The following ZNF200 variants were observed in gnomAD, a reference collection of about 807,000 sequenced individuals.
The protein encoded by ZNF200 is zinc finger protein 200.
A neutral mutation model predicts 33.6 loss-of-function variants in ZNF200; 35 were observed. That is an observed-to-expected ratio of 1.04 (90% CI 0.80 to 1.38). The LOEUF (loss-of-function observed/expected upper bound fraction) is 1.38. ZNF200 is among the 40% of genes most tolerant of loss of function. The pLI, the probability that ZNF200 is intolerant of heterozygous loss-of-function variation, is 0.00. For synonymous variants in ZNF200, 209 were observed against 167.7 expected (o/e 1.25, Z -1.90); for missense variants, 592 against 470.6 (o/e 1.26, Z -2.39).
At chr16:3,224,782 G>C in intron 4 of ZNF200, 169 bp from the exon 5 acceptor site, 1 of 765,330 alleles carries the variant, frequency 1.3e-6, no homozygotes, top group Non-Finnish European at 2.0e-6. Flanking sequence ...ATACATAACT[G>C]ATAAATCTTT....
intron 4 of ZNF200, chr16:3,225,613 G>A (rs1405823293): frequency 6.6e-6 from 1 of 152,168 alleles, no homozygotes; most frequent in East Asian, 1.9e-4. Context: ...TTTGGGTGGT[G>A]CTTAGTGTGT....
At chr16:3,233,414 T>A (rs1026805178) in intron 2 of ZNF200, 92 bp downstream of exon 2, 1 of 1,461,392 alleles carries the variant, frequency 6.8e-7, no homozygotes, top group East Asian at 2.4e-5. Context: ...ATATACACCA[T>A]CCTAACTTGA....
At chr16:3,233,364 G>T in intron 2 of ZNF200, 142 bp downstream of exon 2, 1 of 1,200,694 alleles carries the variant, frequency 8.3e-7, no homozygotes, top group Non-Finnish European at 1.1e-6. Flanking sequence ...CACTTGAGAA[G>T]AACTTCCTCT....
intron 4 of ZNF200, chr16:3,227,926 G>C (rs923929343): frequency 8.6e-5 from 13 of 151,794 alleles, no homozygotes; most frequent in Non-Finnish European, 1.8e-4. Context: ...TCACAGTCTT[G>C]TTCCAAGGGA....
rs775956362 is a variant in ZNF200 at position 3,232,550 on chromosome 16, G to A, written c.340-3C>T. 2.3e-5 allele frequency: 37 copies of A among 1,613,250 alleles called. No individual in the cohort carries two copies. In the South Asian group the frequency reaches 3.8e-4, roughly 17 times the overall value. On this transcript the variant is annotated splice_polypyrimidine_tract_variant and splice_region_variant and intron_variant, in intron 3 of 4. Transcript: ENST00000414144. ...AAATCCTCAAAGACCACCAGCTCCT[G>A]AAAGAGCAAGAGGCCCCTTTCATCT...
chr16:3,224,185 C>T lies in ZNF200; in HGVS notation c.895G>A (p.Glu299Lys). Reference protein sequence around the residue: ...FNHKTNLNKHERIHTGEKPYS... With the variant: ...FNHKTNLNKHKRIHTGEKPYS... ...GGTTTCTCTCCTGTATGAATTCGCT[C>T]ATGTTTATTGAGGTTTGTTTTATGA... Residue 299 changes from glutamate (E) to lysine (K), a missense_variant, in exon 5 of 5, where the codon GAG becomes AAG. Glu to Lys is a moderately conservative substitution (Grantham distance 56, BLOSUM62 1). Coordinates refer to ENST00000414144, the MANE Select transcript of ZNF200 (RefSeq NM_198088.3). 2 of 1,614,108 alleles carry T rather than the reference C, an allele frequency of 1.2e-6. No homozygotes were observed. Among genetic ancestry groups the T allele is most frequent in the Non-Finnish European group, 1.7e-6 (2 of 1,180,040 alleles).
At chr16:3,225,522 T>C (rs2141617897) in intron 4 of ZNF200, 1 of 152,306 alleles carries the variant, frequency 6.6e-6, no homozygotes, top group East Asian at 1.9e-4. Flanking sequence ...AAGTCAGTAG[T>C]GTTTCTCTTT....
At chr16:3,224,702 C>T in intron 4 of ZNF200, 89 bp from the exon 5 acceptor site, 1 of 1,478,392 alleles carries the variant, frequency 6.8e-7, no homozygotes, top group African/African-American at 1.4e-5. Context: ...GCCACAGCCA[C>T]CTTGAACGTC....
At chr16:3,232,640 G>C in intron 3 of ZNF200, 93 bp from the exon 4 acceptor site, 1 of 1,554,756 alleles carries the variant, frequency 6.4e-7, no homozygotes. Flanking sequence ...ATCAAGGGAA[G>C]GGATAGCAAG....
Position 3,224,106 on chromosome 16 carries a change from C to T in ZNF200, c.974G>A (p.Arg325His), listed in dbSNP as rs139114447. ...KNFRQNSHRS[R>H]HEGIHIREKI... ...CTCCCTTATATGGATTCCTTCATGA[C>T]GACTCCGATGAGAATTCTGACGGAA... The change falls in exon 5 of 5, where the codon CGT becomes CAT. Residue 325 changes from arginine to histidine, a missense_variant. Coordinates refer to ENST00000414144, the MANE Select transcript of ZNF200 (RefSeq NM_198088.3). 48 of 1,614,006 alleles carry T rather than the reference C, an allele frequency of 3.0e-5. 1 individual carries two copies. The East Asian group carries it at 3.3e-4, about 11-fold the overall frequency.
Position 3,233,581 on chromosome 16 carries a change from G to T in ZNF200, c.175C>A (p.Leu59Met), listed in dbSNP as rs769423683. The T allele has an allele frequency of 1.2e-6, 2 of 1,612,672 alleles. No individual in the cohort carries two copies. Among genetic ancestry groups the T allele is most frequent in the South Asian group, 1.1e-5 (1 of 90,934 alleles). The change falls in exon 2 of 5, where the codon CTG becomes ATG. Residue 59 changes from leucine to methionine, a missense_variant. Coordinates refer to ENST00000414144, the MANE Select transcript of ZNF200 (RefSeq NM_198088.3). ...HFLTFLPKPS[L>M]VQPSQKVKET... ...TTGACTTTCTGACTGGGCTGGACCA[G>T]GCTTGGCTTGGGCAAGAAGGTGAGG...
chr16:3,231,981 T>C (rs1423493852), intron 4 of ZNF200, among the ~76,000 whole-genome samples: 1 of 152,236 alleles, frequency 6.6e-6, no homozygotes, highest in Non-Finnish European at 1.5e-5. Context: ...TAAGTGCTCA[T>C]TAAGTGTTAA....
chr16:3,224,028 A>C lies in ZNF200; in HGVS notation c.1052T>G (p.Phe351Cys). The C allele has an allele frequency of 6.2e-7, 1 of 1,614,176 alleles. No homozygotes were observed. The highest frequency in any genetic ancestry group is 8.5e-7 in the Non-Finnish European group (1 of 1,180,036). ...CTCATGACTCTGCAGATGAAGCACA[A>C]ACTCCTCATTCTTTGGGAAGGTTTT... is the stretch of plus-strand genomic sequence containing the variant. ...CGKTFPKNEE[F>C]VLHLQSHEAE... Residue 351 changes from phenylalanine to cysteine, a missense_variant, in exon 5 of 5, where the codon TTT (phenylalanine) becomes TGT (cysteine). Coordinates refer to ENST00000414144, the MANE Select transcript of ZNF200 (RefSeq NM_198088.3).
Position 3,224,335 on chromosome 16 carries a change from T to C in ZNF200, c.745A>G (p.Arg249Gly), listed in dbSNP as rs1958412215. 1.9e-6 allele frequency: 3 copies of C among 1,614,204 alleles called. No homozygotes were observed. Among genetic ancestry groups the C allele is most frequent in the Non-Finnish European group, 2.5e-6 (3 of 1,180,022 alleles). The change falls in exon 5 of 5, where the codon AGG (arginine) becomes GGG (glycine). Residue 249 changes from arginine to glycine, a missense_variant. By Grantham distance (125) the Arg-to-Gly change is moderately radical (BLOSUM62 -2). Coordinates refer to ENST00000414144, the MANE Select transcript of ZNF200 (RefSeq NM_198088.3). The part of the protein sequence containing the change: ...IIALTRNRRT[R>G]RWYTCPLCGK... ...CACAGTGGACAAGTGTACCATCTCC[T>C]TGTCCTCCGATTTCGAGTAAGGGCA... is the stretch of plus-strand genomic sequence containing the variant.
chr16:3,223,486 A>T lies in ZNF200; in HGVS notation c.*406T>A, dbSNP rs1017434813. 6.2e-6 allele frequency: 1 copy of T among 161,144 alleles called. No homozygotes were observed. The allele number at this position is 161,144 out of a possible 1,614,324, so 10.0% of individuals were successfully genotyped here. On this transcript the variant is annotated 3_prime_UTR_variant, in exon 5 of 5. Transcript: ENST00000414144. ...TTTCACCAGAACACAGTTCCAGATA[A>T]GCATCTTTGCACTATTTCTCAAGTA...
intron 4 of ZNF200, chr16:3,226,080 T>C (rs895185586): frequency 7.5e-6 from 1 of 133,272 alleles, no homozygotes; most frequent in African/African-American, 2.9e-5. Context: ...TGAGATGGAG[T>C]CTCGCTTTGT....
chr16:3,229,798 G>A (rs568322368), intron 4 of ZNF200, among the ~76,000 whole-genome samples: 174 of 152,170 alleles, frequency 1.1e-3, no homozygotes, highest in African/African-American at 3.8e-3. Context: ...CGCAGGGGGC[G>A]GAGACTGCAG....
chr16:3,225,448 C>G (rs991268373), intron 4 of ZNF200: 3 of 152,042 alleles, frequency 2.0e-5, no homozygotes, highest in African/African-American at 7.2e-5. Context: ...TGTCTCAAAA[C>G]AGAAAAAAGT....
At position 3,229,638 on chromosome 16, in the gene ZNF200, G is replaced by A. The variant is rs2141632412; in HGVS notation, c.466+2783C>T. 1.3e-5 allele frequency among the ~76,000 whole-genome samples: 2 copies of A among 152,144 alleles called. 1 individual carries two copies. Among genetic ancestry groups the A allele is most frequent in the South Asian group, 4.1e-4 (2 of 4,824 alleles). On this transcript the variant is annotated intron_variant, in intron 4 of 4. Coordinates refer to ENST00000414144, the MANE Select transcript of ZNF200 (RefSeq NM_198088.3). The stretch of plus-strand genomic sequence containing the variant: ...AAAAGAAGGTTGGGAGGCCAAGGCG[G>A]GCAGATCACAAGGTCAGGAGATTGA...
Sources: gnomAD v4.1 joint callset for allele counts (sites outside exome capture counted in the v4.1 genomes callset) on GRCh38, gnomAD v4.1.1 for gene constraint, MANE v1.5 for transcripts, NCBI Gene and HGNC (gene_info 2026-07-23, HGNC 2026-07-21) for gene names.